The following CDH18 variants were observed in gnomAD, a reference collection of about 807,000 sequenced individuals.
CDH18 encodes the protein cadherin 18.
A neutral mutation model predicts 67.9 loss-of-function variants in CDH18; 31 were observed. The ratio of observed to expected loss-of-function variants is 0.46; its 90% CI spans 0.34 to 0.62. The LOEUF (loss-of-function observed/expected upper bound fraction) is 0.62, where lower values mean the gene tolerates loss of function less well. Ranked by LOEUF, CDH18 falls within the 20% of genes least tolerant of loss-of-function variation. The pLI is 0.01. For synonymous variants in CDH18, 362 were observed against 347.2 expected (o/e 1.04, Z -0.48); for missense variants, 890 against 975.5 (o/e 0.91, Z 1.17).
At chr5:19,659,419 A>G (rs11950327) in intron 5 of CDH18, among the ~76,000 whole-genome samples, 5,173 of 152,234 alleles carry the variant, frequency 0.034, 283 homozygotes, top group African/African-American at 0.12. Context: ...CAAATAGTAA[A>G]TAAGAAAATC....
intron 1 of CDH18, among the ~76,000 whole-genome samples, chr5:20,542,301 A>C (rs139204554): frequency 6.6e-6 from 1 of 151,884 alleles, no homozygotes; most frequent in African/African-American, 2.4e-5. Context: ...AGTAATTGCT[A>C]AACAAATAGT....
intron 1 of CDH18, among the ~76,000 whole-genome samples, chr5:20,285,174 A>G (rs1746591699): frequency 6.6e-6 from 1 of 151,524 alleles, no homozygotes; most frequent in Non-Finnish European, 1.5e-5. Context: ...ATTAATGTGA[A>G]GTAATCAATG....
chr5:19,733,237 T>C (rs1298201028), intron 4 of CDH18, among the ~76,000 whole-genome samples: 1 of 152,194 alleles, frequency 6.6e-6, no homozygotes, highest in Non-Finnish European at 1.5e-5. Context: ...TTCCTCTTTG[T>C]AGTGCTTTCC....
At chr5:20,471,127 T>C (rs1752033779) in intron 1 of CDH18, among the ~76,000 whole-genome samples, 1 of 152,180 alleles carries the variant, frequency 6.6e-6, no homozygotes, top group Admixed American at 6.5e-5. Context: ...TTGAATCTAT[T>C]TTTGTAAGGT....
At chr5:19,750,591 T>A (rs1770704503) in intron 3 of CDH18, among the ~76,000 whole-genome samples, 1 of 152,028 alleles carries the variant, frequency 6.6e-6, no homozygotes, top group Non-Finnish European at 1.5e-5. Context: ...GCATGGAAAT[T>A]AGAAATACTC....
chr5:20,056,460 C>CTTTA (rs1741951097), intron 2 of CDH18, among the ~76,000 whole-genome samples: 1 of 18,648 alleles, frequency 5.4e-5, no homozygotes, highest in South Asian at 1.2e-3. Context: ...TATTATTTTT[C>CTTTA]TTTATTTTCT....
chr5:20,066,175 C>T (rs1218293347), intron 2 of CDH18, among the ~76,000 whole-genome samples: 1 of 151,850 alleles, frequency 6.6e-6, no homozygotes, highest in Admixed American at 6.6e-5. Flanking sequence ...TTGCTTGAGC[C>T]ATGCATCATT....
intron 2 of CDH18, among the ~76,000 whole-genome samples, chr5:20,189,033 TC>T: frequency 6.6e-6 from 1 of 151,926 alleles, no homozygotes; most frequent in Non-Finnish European, 1.5e-5. Context: ...AGCATGGCAA[TC>T]CCCCAGATTA....
chr5:19,813,240 G>A lies in CDH18; in HGVS notation c.228+25519C>T, dbSNP rs114441231. 2.5e-3 allele frequency among the ~76,000 whole-genome samples: 385 copies of A among 151,980 alleles called. 2 individuals carry two copies. The highest frequency in any genetic ancestry group is 6.5e-3 in the African/African-American group (268 of 41,424). On this transcript the variant is annotated intron_variant, in intron 3 of 12. Transcript: ENST00000382275. The stretch of plus-strand genomic sequence containing the variant: ...ACCACAATGGCATGTGTATATTTAC[G>A]TAACAAACCTGCATGTTCTGCACAT...
At chr5:20,324,409 C>T (rs1041069252) in intron 1 of CDH18, among the ~76,000 whole-genome samples, 11 of 152,058 alleles carry the variant, frequency 7.2e-5, no homozygotes, top group African/African-American at 2.2e-4. Context: ...GGCATGGTGG[C>T]GGGTGCCTGT....
chr5:20,132,236 C>T (rs950169286), intron 2 of CDH18, among the ~76,000 whole-genome samples: 3 of 152,230 alleles, frequency 2.0e-5, no homozygotes, highest in East Asian at 1.9e-4. Flanking sequence ...TAAACTGCTG[C>T]TTCTTTTTCA....
intron 2 of CDH18, among the ~76,000 whole-genome samples, chr5:19,911,315 G>A (rs1043930711): frequency 2.6e-5 from 4 of 152,138 alleles, no homozygotes; most frequent in African/African-American, 7.2e-5. Flanking sequence ...GGGATTATGA[G>A]TCCAGATAAA....
intron 1 of CDH18, among the ~76,000 whole-genome samples, chr5:20,434,137 G>A (rs1009878194): frequency 6.6e-6 from 1 of 152,018 alleles, no homozygotes; most frequent in African/African-American, 2.4e-5. Flanking sequence ...AGCAACCTCA[G>A]TTGTGGGTAA....
intron 1 of CDH18, among the ~76,000 whole-genome samples, chr5:20,311,038 A>T (rs1224687751): frequency 4.6e-5 from 7 of 152,188 alleles, no homozygotes; most frequent in Non-Finnish European, 7.4e-5. Context: ...AAGTTATTAA[A>T]TTCACCAGAC....
At chr5:19,759,338 G>C (rs1772035437) in intron 3 of CDH18, among the ~76,000 whole-genome samples, 1 of 152,164 alleles carries the variant, frequency 6.6e-6, no homozygotes, top group African/African-American at 2.4e-5. Context: ...AATCCCTCCA[G>C]GGATGCAATA....
intron 1 of CDH18, among the ~76,000 whole-genome samples, chr5:20,495,481 A>G (rs1753850444): frequency 6.6e-6 from 1 of 152,190 alleles, no homozygotes; most frequent in African/African-American, 2.4e-5. Context: ...ATGACAGCCT[A>G]TTCAGCAACA....
At chr5:19,567,959 A>ATGAC (rs1160233696) in intron 8 of CDH18, among the ~76,000 whole-genome samples, 8 of 152,216 alleles carry the variant, frequency 5.3e-5, no homozygotes, top group African/African-American at 1.9e-4. Flanking sequence ...AAACATTCAC[A>ATGAC]TGACTATTCA....
At chr5:19,879,132 T>C (rs1489609904) in intron 2 of CDH18, among the ~76,000 whole-genome samples, 1 of 152,050 alleles carries the variant, frequency 6.6e-6, no homozygotes, top group Non-Finnish European at 1.5e-5. Context: ...TAAAGTTATC[T>C]TAACTTGCTC....
chr5:20,277,268 G>T lies in CDH18; in HGVS notation c.-579-21763C>A, dbSNP rs114872750. ...AGTGGTGATGGCCATGGGGTTGTTT[G>T]TGTCAACCCTCCCCCAACTCAAGGC... On this transcript the variant is annotated intron_variant, in intron 1 of 14. Coordinates refer to the CDH18 transcript ENST00000507958. 2.9e-3 allele frequency among the ~76,000 whole-genome samples: 445 copies of T among 152,180 alleles called. 7 individuals carry two copies. Among genetic ancestry groups the T allele is most frequent in the African/African-American group, 0.01 (428 of 41,536 alleles).
Sources: allele counts gnomAD v4.1 joint callset (sites outside exome capture counted in the v4.1 genomes callset), GRCh38; gene constraint gnomAD v4.1.1; transcripts MANE v1.5; gene names NCBI Gene and HGNC (gene_info 2026-07-23, HGNC 2026-07-21).